Variants in RSF1 observed in about 807,000 individuals in gnomAD.
The protein encoded by RSF1 is HBV pX-associated protein 8.
In RSF1, 13 loss-of-function variants were observed where a neutral mutation model predicts 145.2. The ratio of observed to expected loss-of-function variants is 0.09; its 90% CI spans 0.06 to 0.14. RSF1 has a LOEUF of 0.14. Ranked by LOEUF, RSF1 falls within the 10% of genes least tolerant of loss-of-function variation. The pLI is 1.00. For missense variants in RSF1, 1,517 were observed against 1,718.2 expected, an observed-to-expected ratio of 0.88 and a Z score of 2.07; for synonymous variants, 577 against 592.6, an observed-to-expected ratio of 0.97 and a Z score of 0.38.
intron 4 of RSF1, among the ~76,000 whole-genome samples, chr11:77,740,277 A>G (rs1961476307): frequency 6.6e-6 from 1 of 152,256 alleles, no homozygotes; most frequent in African/African-American, 2.4e-5. Flanking sequence ...TGGGAGGCTG[A>G]GGCAGGAGAA....
At position 77,766,451 on chromosome 11, in the gene RSF1, T is replaced by G. The variant is rs969571030; in HGVS notation, c.188-1762A>C. On this transcript the variant is annotated intron_variant, in intron 1 of 15. Transcript: ENST00000308488. ...ATACTAGTAAGAAAGAAACAGTCCT[T>G]CTGTCTTTAATGAGCCTACTTGAGT... Among the ~76,000 whole-genome samples, 5 of 152,302 alleles carry G rather than the reference T, an allele frequency of 3.3e-5. 1 individual carries two copies. The South Asian group carries it at 1.0e-3, about 32-fold the overall frequency.
chr11:77,822,711 G>C (rs11237305), upstream of RSF1, among the ~76,000 whole-genome samples: 1 of 152,098 alleles, frequency 6.6e-6, no homozygotes, highest in Admixed American at 6.5e-5. Context: ...TCATAGTCTT[G>C]AGTGGTATAC....
intron 10 of RSF1, 140 bp downstream of exon 10, chr11:77,684,965 C>T (rs1959964628): frequency 2.4e-6 from 1 of 409,626 alleles, no homozygotes; most frequent in Admixed American, 4.7e-5. Flanking sequence ...CCAGTCTGGG[C>T]AACAAGAACG....
chr11:77,735,170 A>G (rs2135901815), intron 4 of RSF1: 5 of 699,282 alleles, frequency 7.2e-6, no homozygotes, highest in Non-Finnish European at 1.3e-5. Flanking sequence ...GGGGACGAGC[A>G]CCGGGTTCCG....
intron 2 of RSF1, chr11:77,762,037 T>TTTTTTTC (rs1948180522): frequency 7.6e-6 from 1 of 131,878 alleles, no homozygotes; most frequent in Non-Finnish European, 1.6e-5. Flanking sequence ...CTTTTTTTTT[T>TTTTTTTC]TTTTTTTTTT....
chr11:77,735,084 G>C, intron 4 of RSF1: 1 of 997,026 alleles, frequency 1.0e-6, no homozygotes, highest in Non-Finnish European at 1.5e-6. Flanking sequence ...CTGGGGCGGC[G>C]GCAGGGGCCT....
chr11:77,822,759 G>C (rs1948977187), upstream of RSF1, among the ~76,000 whole-genome samples: 1 of 152,116 alleles, frequency 6.6e-6, no homozygotes, highest in Non-Finnish European at 1.5e-5. Context: ...TTTGAAACTT[G>C]GCAAATACTT....
chr11:77,723,986 T>C (rs1960994052), intron 5 of RSF1, among the ~76,000 whole-genome samples: 1 of 152,156 alleles, frequency 6.6e-6, no homozygotes, highest in Non-Finnish European at 1.5e-5. Flanking sequence ...TTAAGCAAAT[T>C]AGAAAACTCA....
intron 1 of RSF1, among the ~76,000 whole-genome samples, chr11:77,799,861 A>G (rs1948609996): frequency 1.3e-5 from 2 of 152,222 alleles, no homozygotes; most frequent in African/African-American, 4.8e-5. Context: ...AAAGATTATA[A>G]AAGAATACTA....
At chr11:77,868,365 T>C in the RSF1 span, among the ~76,000 whole-genome samples, 1 of 147,650 alleles carries the variant, frequency 6.8e-6, no homozygotes. Context: ...GCCTTTTTTT[T>C]TTTTTTTTTT....
At chr11:77,673,060 T>C (rs1467879701) in intron 14 of RSF1, among the ~76,000 whole-genome samples, 2 of 152,224 alleles carry the variant, frequency 1.3e-5, no homozygotes, top group South Asian at 2.1e-4. Context: ...ACAGCTGCCA[T>C]GACTGCTCTT....
At chr11:77,678,029 AC>A in intron 12 of RSF1, 56 bp downstream of exon 12, 2 of 1,255,504 alleles carry the variant, frequency 1.6e-6, no homozygotes, top group Non-Finnish European at 2.3e-6. Context: ...TAATTTGGGC[AC>A]CTGAATGAAC....
At chr11:77,855,720 C>CTTTTT in the RSF1 span, among the ~76,000 whole-genome samples, 237 of 127,936 alleles carry the variant, frequency 1.9e-3, no homozygotes, top group African/African-American at 6.7e-3. Flanking sequence ...AGTTTTATGT[C>CTTTTT]TTTTTTTTTT....
chr11:77,815,161 TG>T (rs1464497703), intron 1 of RSF1, among the ~76,000 whole-genome samples: 16 of 152,256 alleles, frequency 1.1e-4, no homozygotes, highest in Non-Finnish European at 2.4e-4. Context: ...GCACTGCTTG[TG>T]CCCAACAGTA....
Position 77,725,565 on chromosome 11 carries a change from T to G in RSF1, c.713A>C (p.Glu238Ala). Residue 238 changes from glutamate to alanine, a missense_variant, in exon 5 of 16, where the codon GAG becomes GCG. Glu to Ala is a moderately radical substitution (Grantham distance 107). This residue lies in a region of RSF1 where 207 missense variants were observed against 191.4 expected (regional missense o/e 1.08). Coordinates refer to ENST00000308488, the MANE Select transcript of RSF1 (RefSeq NM_016578.4). Reference protein sequence around the residue: ...PSLEDEETKKEEETPKQEEQK... With the variant: ...PSLEDEETKKAEETPKQEEQK... The stretch of plus-strand genomic sequence containing the variant: ...AAAACCTTGTTTAGGTGTTTCTTCC[T>G]CTTTTTTAGTCTCCTCATCCTCTAA... 6.3e-7 allele frequency: 1 copy of G among 1,575,084 alleles called. No individual in the cohort carries two copies. The highest frequency in any genetic ancestry group is 8.6e-7 in the Non-Finnish European group (1 of 1,161,188).
chr11:77,724,351 A>AT (rs1393841896), intron 5 of RSF1, among the ~76,000 whole-genome samples: 2 of 152,186 alleles, frequency 1.3e-5, no homozygotes, highest in Admixed American at 1.3e-4. Context: ...GAATTACCAT[A>AT]TATGATCCAG....
chr11:77,741,050 C>A, intron 3 of RSF1, 114 bp from the exon 4 acceptor site: 1 of 742,822 alleles, frequency 1.3e-6, no homozygotes, highest in South Asian at 1.7e-5. Context: ...AACACAAATA[C>A]TGTATTCCTT....
chr11:77,783,524 T>C (rs186988481), intron 1 of RSF1, among the ~76,000 whole-genome samples: 1 of 152,292 alleles, frequency 6.6e-6, no homozygotes, highest in African/African-American at 2.4e-5. Context: ...TTTCATCTAA[T>C]ACCTTTCATT....
intron 1 of RSF1, among the ~76,000 whole-genome samples, chr11:77,802,877 C>T (rs376161332): frequency 1.2e-4 from 19 of 152,158 alleles, no homozygotes; most frequent in East Asian, 1.2e-3. Context: ...AAAAAACTTT[C>T]AACAATGTAC....
Sources: allele counts gnomAD v4.1 joint callset (sites outside exome capture counted in the v4.1 genomes callset), GRCh38; gene constraint gnomAD v4.1.1; regional missense constraint gnomAD v4.1.1; transcripts MANE v1.5; gene names NCBI Gene and HGNC (gene_info 2026-07-23, HGNC 2026-07-21).